Variants in ZNF366 observed in about 807,000 individuals in gnomAD.
ZNF366 encodes zinc finger protein 366.
ZNF366 carries 20 observed loss-of-function variants against 47.2 expected under a neutral mutation model. The ratio of observed to expected loss-of-function variants is 0.42; its 90% confidence interval spans 0.30 to 0.62. The LOEUF (loss-of-function observed/expected upper bound fraction) is 0.62. Among genes scored for constraint, ZNF366 ranks in the 20% least tolerant of loss-of-function variants. The pLI, the probability that ZNF366 is intolerant of heterozygous loss-of-function variation, is 0.16. For synonymous variants in ZNF366, 421 were observed against 395.1 expected, an observed-to-expected ratio of 1.07 and a Z score of -0.78; for missense variants, 987 against 976.3, an observed-to-expected ratio of 1.01 and a Z score of -0.15.
chr5:72,458,633 C>T (rs758232875), intron 2 of ZNF366, among the ~76,000 whole-genome samples: 8 of 152,194 alleles, frequency 5.3e-5, no homozygotes, highest in Non-Finnish European at 1.0e-4. Flanking sequence ...GGCCAAGGCA[C>T]AGGTGCCTGT....
Position 72,461,435 on chromosome 5 carries a change from T to C in ZNF366, c.62A>G (p.Lys21Arg), listed in dbSNP as rs777277143. 2.5e-6 allele frequency: 4 copies of C among 1,606,222 alleles called. No homozygotes were observed. The highest frequency in any genetic ancestry group is 1.7e-5 in the Admixed American group (1 of 59,530). ...EDVHFDLAVK[K>R]TPSFPHCLQP... ...CAGGCAGTGGGGAAAGGAGGGGGTC[T>C]TCTTCACAGCCAAGTCGAAATGCAC... Residue 21 changes from lysine (K) to arginine (R), a missense_variant, in exon 2 of 5, where the codon AAG becomes AGG. Lys to Arg is a conservative substitution (Grantham distance 26, BLOSUM62 2). This residue lies in a region of ZNF366 where 591 missense variants were observed against 560.9 expected (regional missense o/e 1.05). Coordinates refer to ENST00000318442, the MANE Select transcript of ZNF366 (RefSeq NM_152625.3).
At chr5:72,465,268 T>A (rs1366072797) in intron 1 of ZNF366, among the ~76,000 whole-genome samples, 3 of 152,112 alleles carry the variant, frequency 2.0e-5, no homozygotes. Context: ...TTCTAGCTAT[T>A]AATATCTCTG....
intron 2 of ZNF366, among the ~76,000 whole-genome samples, chr5:72,457,654 C>T (rs997605063): frequency 3.3e-5 from 5 of 152,144 alleles, no homozygotes; most frequent in African/African-American, 1.2e-4. Flanking sequence ...CTGGTGGGCC[C>T]ATGGTACTAA....
intron 3 of ZNF366, among the ~76,000 whole-genome samples, chr5:72,456,053 C>A (rs1483055650): frequency 6.6e-6 from 1 of 152,178 alleles, no homozygotes; most frequent in Non-Finnish European, 1.5e-5. Flanking sequence ...GCTAAACTTG[C>A]CTTCTCCTCT....
chr5:72,458,162 A>T (rs913186733), intron 2 of ZNF366, among the ~76,000 whole-genome samples: 8 of 151,488 alleles, frequency 5.3e-5, no homozygotes, highest in Non-Finnish European at 1.0e-4. Flanking sequence ...AACTACAGGT[A>T]CCCGCCACCA....
At chr5:72,482,458 C>T (rs1743807480) in intron 1 of ZNF366, among the ~76,000 whole-genome samples, 1 of 152,220 alleles carries the variant, frequency 6.6e-6, no homozygotes, top group African/African-American at 2.4e-5. Context: ...GGATAATTCT[C>T]ACCTGCTTCT....
intron 1 of ZNF366, among the ~76,000 whole-genome samples, chr5:72,503,648 T>G (rs565723812): frequency 6.6e-6 from 1 of 152,216 alleles, no homozygotes; most frequent in Non-Finnish European, 1.5e-5. Flanking sequence ...TGTCAAGTCA[T>G]GCATATAGGA....
chr5:72,451,087 T>A (rs545659781), intron 3 of ZNF366, among the ~76,000 whole-genome samples: 32 of 152,234 alleles, frequency 2.1e-4, no homozygotes, highest in African/African-American at 7.7e-4. Flanking sequence ...AAGCTAAGAG[T>A]GTGCCCAAGC....
chr5:72,474,751 G>A (rs552571106), intron 1 of ZNF366, among the ~76,000 whole-genome samples: 2 of 151,856 alleles, frequency 1.3e-5, no homozygotes, highest in Non-Finnish European at 2.9e-5. Context: ...CAAAATAGGG[G>A]GTTCCCTTCA....
At chr5:72,491,378 C>T (rs1270372990) in intron 1 of ZNF366, among the ~76,000 whole-genome samples, 2 of 152,188 alleles carry the variant, frequency 1.3e-5, no homozygotes, top group Admixed American at 6.5e-5. Flanking sequence ...GGGAAACTAA[C>T]AATTATTGAG....
chr5:72,481,014 T>C (rs1009419385), intron 1 of ZNF366, among the ~76,000 whole-genome samples: 2 of 152,142 alleles, frequency 1.3e-5, no homozygotes, highest in African/African-American at 4.8e-5. Flanking sequence ...GCGGGAAATA[T>C]TGAAGGACGG....
chr5:72,457,859 C>G (rs1329142083), intron 2 of ZNF366, among the ~76,000 whole-genome samples: 4 of 152,016 alleles, frequency 2.6e-5, no homozygotes, highest in African/African-American at 9.7e-5. Flanking sequence ...ATAAGGAGAC[C>G]TAGAAATCAA....
chr5:72,494,605 A>ATTT (rs57920640), intron 1 of ZNF366, among the ~76,000 whole-genome samples: 21 of 137,330 alleles, frequency 1.5e-4, no homozygotes, highest in African/African-American at 4.8e-4. Context: ...GCTGTCAGAG[A>ATTT]TTTTTTTTTT....
chr5:72,448,339 G>A (rs1197087801), intron 3 of ZNF366, among the ~76,000 whole-genome samples: 1 of 152,122 alleles, frequency 6.6e-6, no homozygotes, highest in Non-Finnish European at 1.5e-5. Flanking sequence ...ATACATGAAG[G>A]ACAACTGGTT....
intron 1 of ZNF366, among the ~76,000 whole-genome samples, chr5:72,496,622 T>C (rs980642363): frequency 3.1e-4 from 47 of 152,214 alleles, no homozygotes; most frequent in South Asian, 2.1e-4. Flanking sequence ...CATGGGAACA[T>C]ATGATTTCAG....
chr5:72,483,967 A>C (rs1334871764), intron 1 of ZNF366, among the ~76,000 whole-genome samples: 1 of 152,156 alleles, frequency 6.6e-6, no homozygotes, highest in African/African-American at 2.4e-5. Flanking sequence ...CAAACTATGA[A>C]AGTAGACAGA....
chr5:72,499,961 A>AC (rs778676508), intron 1 of ZNF366, among the ~76,000 whole-genome samples: 1 of 151,120 alleles, frequency 6.6e-6, no homozygotes, highest in African/African-American at 2.4e-5. Flanking sequence ...TCCTTCCCCC[A>AC]CCCCTCCAAC....
At position 72,461,270 on chromosome 5, in the gene ZNF366, G is replaced by T; in HGVS notation, c.227C>A (p.Ser76Tyr). The T allele has an allele frequency of 6.2e-7, 1 of 1,614,098 alleles. No individual in the cohort carries two copies. Among genetic ancestry groups the T allele is most frequent in the Non-Finnish European group, 8.5e-7 (1 of 1,180,028 alleles). The change falls in exon 2 of 5, where the codon TCT (serine) becomes TAT (tyrosine). Residue 76 changes from serine (S) to tyrosine (Y), a missense_variant. Ser to Tyr is a moderately radical substitution (Grantham distance 144, BLOSUM62 -2). Transcript: ENST00000318442. The part of the protein sequence containing the change: ...GFPGVFEGAG[S>Y]RKRKSMPTKM... ...TGTGGGCATGCTCTTCCGTTTCCTA[G>T]ACCCTGCTCCTTCGAAGACCCCGGG...
intron 4 of ZNF366, among the ~76,000 whole-genome samples, chr5:72,445,229 G>C (rs1035072069): frequency 2.0e-5 from 3 of 152,156 alleles, no homozygotes; most frequent in Non-Finnish European, 4.4e-5. Context: ...CAGCATGGCA[G>C]TTTCATTTGA....
Sources: allele counts gnomAD v4.1 joint callset (sites outside exome capture counted in the v4.1 genomes callset), GRCh38; gene constraint gnomAD v4.1.1; regional missense constraint gnomAD v4.1.1; transcripts MANE v1.5; gene names NCBI Gene and HGNC (gene_info 2026-07-23, HGNC 2026-07-21).